Variants in B9D1 observed in about 807,000 individuals in gnomAD.
B9D1 encodes B9 domain containing 1, also known as B9 domain-containing protein 1.
Under a neutral mutation model 26.1 loss-of-function variants are expected in B9D1, and 20 were observed. The observed-to-expected ratio is 0.77, with a 90% CI of 0.54 to 1.12. The LOEUF (loss-of-function observed/expected upper bound fraction) is 1.12, where lower values mean the gene tolerates loss of function less well. B9D1 is among the 50% of genes most tolerant of loss of function. B9D1 has a pLI of 0.00. For missense variants in B9D1, 260 were observed against 273.7 expected (o/e 0.95, Z 0.35); for synonymous variants, 105 against 103.1 (o/e 1.02, Z -0.11).
At chr17:19,342,961 A>G (rs1908145760), downstream of B9D1, 2 of 560,618 alleles carry the variant, frequency 3.6e-6, no homozygotes, top group South Asian at 6.9e-5. Context: ...GCGGTATAGA[A>G]AAGGCCACAC....
downstream of B9D1, among the ~76,000 whole-genome samples, chr17:19,337,057 C>T (rs995260422): frequency 2.0e-5 from 3 of 152,182 alleles, no homozygotes; most frequent in Admixed American, 1.3e-4. Flanking sequence ...GACAGTGTGC[C>T]GGGTCCCCAG....
At chr17:19,357,410 G>A (rs1044712157) in intron 3 of B9D1, among the ~76,000 whole-genome samples, 8 of 152,216 alleles carry the variant, frequency 5.3e-5, no homozygotes, top group Non-Finnish European at 8.8e-5. Flanking sequence ...CAGATGGATC[G>A]GCATGAATAA....
rs78707385 is a variant in B9D1 at position 19,369,945 on chromosome 17, C to G, written c.-298+7914G>C. ...AACATGGCCCACACCCCAAGTCACCCTGGACCACACCCGCCCCTCCGTCAT... is the reference window on the plus strand; with the variant it reads ...AACATGGCCCACACCCCAAGTCACCGTGGACCACACCCGCCCCTCCGTCAT... On this transcript the variant is annotated intron_variant, in intron 1 of 5. Transcript: ENST00000477478. Among the ~76,000 whole-genome samples the G allele has an allele frequency of 6.5e-3, 988 of 152,278 alleles. 54 individuals carry two copies. In the East Asian group the frequency reaches 0.12, roughly 18 times the overall value.
At position 19,343,831 on chromosome 17, in the gene B9D1, T is replaced by C. The variant is rs1908317419; in HGVS notation, c.431A>G (p.Tyr144Cys). The C allele has an allele frequency of 6.2e-7, 1 of 1,614,066 alleles. No individual in the cohort carries two copies. Among genetic ancestry groups the C allele is most frequent in the South Asian group, 1.1e-5 (1 of 91,086 alleles). Residue 144 changes from tyrosine (Y) to cysteine (C), a missense_variant, in exon 6 of 7, where the codon TAC (tyrosine) becomes TGC (cysteine). Tyr to Cys is a radical substitution (Grantham distance 194). Coordinates refer to ENST00000261499, the MANE Select transcript of B9D1 (RefSeq NM_015681.6). ...CTGAGCCACCACCTTGGGGTCTGTG[T>C]ACTCGGGCCGCCGCCCCATGAACCA... ...TSWFMGRRPEYTDPKVVAQGE... is the reference protein window; with the variant it reads ...TSWFMGRRPECTDPKVVAQGE...
intron 3 of B9D1, among the ~76,000 whole-genome samples, 155 bp from the exon 4 acceptor site, chr17:19,348,035 C>G (rs1909092759): frequency 6.6e-6 from 1 of 152,106 alleles, no homozygotes; most frequent in South Asian, 2.1e-4. Context: ...GCATGGGAAC[C>G]CAGACTGTGC....
upstream of B9D1, chr17:19,363,837 A>G (rs148853689): frequency 6.7e-6 from 1 of 149,746 alleles, no homozygotes; most frequent in African/African-American, 2.4e-5. Context: ...CCCCCTGCCT[A>G]GTGAGCAAAG....
chr17:19,335,371 A>G (rs1398157392), downstream of B9D1: 1 of 1,545,844 alleles, frequency 6.5e-7, no homozygotes, highest in Non-Finnish European at 8.7e-7. Flanking sequence ...TGACTCACCA[A>G]TTTTTATCAA....
chr17:19,371,120 T>TACAG (rs1182076823), intron 1 of B9D1: 1 of 152,410 alleles, frequency 6.6e-6, no homozygotes, highest in Admixed American at 6.5e-5. Context: ...CTGGCCACTG[T>TACAG]GTGTGCTGAC....
chr17:19,342,542 T>C (rs1908084762), downstream of B9D1, among the ~76,000 whole-genome samples: 1 of 151,916 alleles, frequency 6.6e-6, no homozygotes, highest in Non-Finnish European at 1.5e-5. Flanking sequence ...CGAGGGGTTC[T>C]TGTGAAGGTG....
At chr17:19,335,512 C>A, downstream of B9D1, 1 of 1,528,550 alleles carries the variant, frequency 6.5e-7, no homozygotes, top group Non-Finnish European at 8.8e-7. Context: ...CACGCTCAGG[C>A]TAAAGATGGG....
chr17:19,376,298 G>GC (rs1912096218), intron 1 of B9D1, among the ~76,000 whole-genome samples: 1 of 152,102 alleles, frequency 6.6e-6, no homozygotes, highest in African/African-American at 2.4e-5. Context: ...TCCCTCCTTG[G>GC]CCAGCACACC....
chr17:19,364,749 C>T (rs943547096), upstream of B9D1: 2 of 152,926 alleles, frequency 1.3e-5, no homozygotes, highest in South Asian at 4.1e-4. The surrounding 1 kb of genome is among the most constrained non-coding windows in gnomAD (Gnocchi z 4.3). Flanking sequence ...TTCCTGGGCT[C>T]CTAGACATTC....
downstream of B9D1, chr17:19,336,792 G>A (rs907895815): frequency 6.6e-6 from 1 of 152,584 alleles, no homozygotes; most frequent in Non-Finnish European, 1.5e-5. Context: ...AGATGAGGGA[G>A]CCGATTCTTG....
intron 3 of B9D1, 33 bp downstream of exon 3, chr17:19,357,807 C>G: frequency 6.5e-7 from 1 of 1,543,768 alleles, no homozygotes; most frequent in Non-Finnish European, 9.0e-7. Context: ...GAAAGCTCTG[C>G]CACCCTACCC....
At chr17:19,362,786 G>A (rs1911317020), upstream of B9D1, 26 of 1,399,168 alleles carry the variant, frequency 1.9e-5, no homozygotes, top group South Asian at 3.2e-4. Flanking sequence ...GATCCACGCC[G>A]AGGCTCCACC....
downstream of B9D1, among the ~76,000 whole-genome samples, chr17:19,339,175 C>T (rs909948517): frequency 6.6e-6 from 1 of 152,220 alleles, no homozygotes; most frequent in African/African-American, 2.4e-5. Flanking sequence ...TACCTTTTCT[C>T]ATTAGAGTTT....
chr17:19,362,033 G>T (rs914692649), intron 1 of B9D1, among the ~76,000 whole-genome samples: 3 of 152,238 alleles, frequency 2.0e-5, no homozygotes, highest in African/African-American at 7.2e-5. Context: ...CTCGGGCCTA[G>T]CAGGCACACC....
At chr17:19,341,068 AATG>A, downstream of B9D1, 1 of 1,186,368 alleles carries the variant, frequency 8.4e-7, no homozygotes, top group Non-Finnish European at 1.1e-6. Context: ...TTCACTGTAA[AATG>A]ATGTCAACTT....
In B9D1 at chr17:19,359,381, C is replaced by A. The variant is rs1276063053; in HGVS notation, c.132+939G>T. ...CTTGCTGGTCCTCAAACATGCCAGGCAAGCTCCTGCTCCAGGGCCTTTGCA... is the reference window on the plus strand; with the variant it reads ...CTTGCTGGTCCTCAAACATGCCAGGAAAGCTCCTGCTCCAGGGCCTTTGCA... On this transcript the variant is annotated intron_variant, in intron 2 of 6. Coordinates refer to ENST00000261499, the MANE Select transcript of B9D1 (RefSeq NM_015681.6). The surrounding 1 kb of genome is among the most constrained non-coding windows in gnomAD (Gnocchi z 5.0). Among the ~76,000 whole-genome samples, 1 of 152,228 alleles carries A rather than the reference C, an allele frequency of 6.6e-6. No homozygotes were observed. Among genetic ancestry groups the A allele is most frequent in the African/African-American group, 2.4e-5 (1 of 41,456 alleles).
Sources: gnomAD v4.1 joint callset for allele counts (sites outside exome capture counted in the v4.1 genomes callset) on GRCh38, gnomAD v4.1.1 for gene constraint, Gnocchi (gnomAD v3.1) non-coding constraint, MANE v1.5 for transcripts, NCBI Gene and HGNC (gene_info 2026-07-23, HGNC 2026-07-21) for gene names.